The following PRAM1 variants were observed in gnomAD, a reference collection of about 807,000 sequenced individuals.
The protein encoded by PRAM1 is PML-RARA regulated adaptor molecule 1.
Under a neutral mutation model 55.3 loss-of-function variants are expected in PRAM1, and 41 were observed. That is an observed-to-expected ratio of 0.74 (90% CI 0.58 to 0.96). PRAM1 has a LOEUF of 0.96. PRAM1 is among the 40% of genes least tolerant of loss of function. PRAM1 has a pLI of 0.00. For synonymous variants in PRAM1, 401 were observed against 387.1 expected (o/e 1.04, Z -0.42); for missense variants, 898 against 892.7 (o/e 1.01, Z -0.08).
At chr19:8,492,635 G>A (rs1277261696) in intron 4 of PRAM1, among the ~76,000 whole-genome samples, 2 of 152,142 alleles carry the variant, frequency 1.3e-5, no homozygotes, top group African/African-American at 4.8e-5. Flanking sequence ...TGGCCCATGG[G>A]TACAAAGTTA....
Position 8,498,340 on chromosome 19 carries a change from C to T in PRAM1, c.1432+36G>A, listed in dbSNP as rs552813453. The stretch of plus-strand genomic sequence containing the variant: ...AAGCCGGCACTGCCTGGGACCTCAG[C>T]CCCCGCTCCTGCCGGTGCCGCCCGC... On this transcript the variant is annotated intron_variant, in intron 2 of 9. Coordinates refer to ENST00000423345, the MANE Select transcript of PRAM1 (RefSeq NM_032152.5). 1.6e-5 allele frequency: 26 copies of T among 1,592,382 alleles called. No homozygotes were observed. In the East Asian group the frequency reaches 3.4e-4, roughly 21 times the overall value.
At chr19:8,499,927 AT>A in intron 1 of PRAM1, 147 bp from the exon 2 acceptor site, 2 of 676,870 alleles carry the variant, frequency 3.0e-6, no homozygotes, top group Non-Finnish European at 4.9e-6. Flanking sequence ...AGGAGCCCCC[AT>A]GGATCCTAGG....
intron 1 of PRAM1, 108 bp downstream of exon 1, chr19:8,502,457 A>ACCCCCCCCCCCC (rs138708138): frequency 4.5e-4 from 212 of 470,040 alleles, no homozygotes; most frequent in Middle Eastern, 6.3e-4. Context: ...TTTCGCAGCC[A>ACCCCCCCCCCCC]CCCCCCGCCC....
In PRAM1 at chr19:8,499,767, T is replaced by C; in HGVS notation, c.41A>G (p.Asp14Gly). ...GAACTTTGCTTTGATGCTCCGGAAG[T>C]CCTGATGGCTCTCCTAGGAGACGCA... Reference protein sequence around the residue: ...HLPAAMESHQDFRSIKAKFQA... With the variant: ...HLPAAMESHQGFRSIKAKFQA... The change falls in exon 2 of 10, where the codon GAC becomes GGC. Residue 14 changes from aspartate to glycine, a missense_variant. By Grantham distance (94) the Asp-to-Gly change is moderately conservative. Around this residue, in one of 4 missense-constraint regions of PRAM1, gnomAD observed 79 missense variants for 93.4 expected, o/e 0.85. Transcript: ENST00000423345. 2.5e-6 allele frequency: 4 copies of C among 1,603,724 alleles called. No individual in the cohort carries two copies. The highest frequency in any genetic ancestry group is 3.4e-6 in the Non-Finnish European group (4 of 1,175,260).
In PRAM1 at chr19:8,502,595, A is replaced by C. The variant is rs770866638; in HGVS notation, c.-4T>G. On this transcript the variant is annotated 5_prime_UTR_variant, in exon 1 of 10. Transcript: ENST00000423345. ...CTGCAGGCAGGTGATGGGCCATGGGATGAGTGGGACCCGAGCTGGGGCCGC... is the reference window on the plus strand; with the variant it reads ...CTGCAGGCAGGTGATGGGCCATGGGCTGAGTGGGACCCGAGCTGGGGCCGC... 6.5e-7 allele frequency: 1 copy of C among 1,549,108 alleles called. No individual in the cohort carries two copies. The highest frequency in any genetic ancestry group is 2.4e-5 in the East Asian group (1 of 40,826).
In PRAM1 at chr19:8,490,076, T is replaced by G; in HGVS notation, c.*113A>C. 5.7e-6 allele frequency: 6 copies of G among 1,056,352 alleles called. No individual in the cohort carries two copies. The highest frequency in any genetic ancestry group is 8.1e-6 in the Non-Finnish European group (6 of 742,548). 65.4% of individuals were successfully genotyped at this position (1,056,352 alleles called of 1,614,324 possible). ...GGGACTGCTTTAAACTGGGGCTTTA[T>G]GTGGCCAGGTACAAGCCCAGGCAGC... On this transcript the variant is annotated 3_prime_UTR_variant, in exon 10 of 10. Coordinates refer to ENST00000423345, the MANE Select transcript of PRAM1 (RefSeq NM_032152.5). This position sits in a 1 kb window ranked among gnomAD's most constrained non-coding sequence, Gnocchi z 7.3.
Position 8,498,415 on chromosome 19 carries a change from C to G in PRAM1, c.1393G>C (p.Asp465His), listed in dbSNP as rs773199677. ...GAGGGTCTCCGAAAGCTCTGCATAT[C>G]CACGGGCCCCGGGGGCAGCGGGGGC... ...AKPPLPPGPV[D>H]MQSFRRPSAA... The change falls in exon 2 of 10, where the codon GAT (aspartate) becomes CAT (histidine). Residue 465 changes from aspartate to histidine, a missense_variant. Asp to His is a moderately conservative substitution (Grantham distance 81). Transcript: ENST00000423345. 1.9e-6 allele frequency: 3 copies of G among 1,577,762 alleles called. No individual in the cohort carries two copies. In the African/African-American group the frequency reaches 4.0e-5, roughly 21 times the overall value.
chr19:8,491,072 G>A (rs762142764), intron 5 of PRAM1, 28 bp downstream of exon 5: 24 of 1,611,806 alleles, frequency 1.5e-5, no homozygotes, highest in African/African-American at 2.7e-5. Flanking sequence ...CTCGCCCCCC[G>A]TCTGCCCACC....
intron 4 of PRAM1, among the ~76,000 whole-genome samples, chr19:8,495,832 G>A (rs1020262110): frequency 2.0e-5 from 3 of 149,080 alleles, no homozygotes; most frequent in African/African-American, 5.0e-5. Flanking sequence ...TGGAGGGTAC[G>A]GATTTAAGGA....
intron 4 of PRAM1, among the ~76,000 whole-genome samples, chr19:8,497,294 T>C (rs1328122639): frequency 6.6e-6 from 1 of 151,636 alleles, no homozygotes; most frequent in Non-Finnish European, 1.5e-5. Context: ...TCCTCTTGTC[T>C]CAGCATCCCA....
intron 4 of PRAM1, among the ~76,000 whole-genome samples, chr19:8,497,255 T>C (rs1971711830): frequency 6.6e-6 from 1 of 151,208 alleles, no homozygotes; most frequent in South Asian, 2.1e-4. Flanking sequence ...CACTGCAGTC[T>C]GCAGTCTCGA....
rs1460667071 is a variant in PRAM1 at position 8,498,809 on chromosome 19, G to A, written c.999C>T (p.Ser333=). ...QPELGGLPRT[S]SEPEFNSLPR... ...GGAGTGAGTTGAACTCGGGCTCTGA[G>A]GAGGTCCTGGGGAGGCCGCCCAGCT... Residue 333 remains serine, a synonymous_variant, in exon 2 of 10, where the codon TCC becomes TCT. Coordinates refer to ENST00000423345, the MANE Select transcript of PRAM1 (RefSeq NM_032152.5). 6.3e-6 allele frequency: 10 copies of A among 1,586,836 alleles called. No homozygotes were observed. Among genetic ancestry groups the A allele is most frequent in the Middle Eastern group, 1.7e-4 (1 of 6,022 alleles).
chr19:8,499,430 G>A lies in PRAM1; in HGVS notation c.378C>T (p.Asp126=). ...CCAGCTGTGGGAACTTCTTGGAGAG[G>A]TCACTCAACTCCAGTTTGGACGGCT... ...PKKPSKLELS[D]LSKKFPQLGA... The change falls in exon 2 of 10, where the codon GAC becomes GAT. Residue 126 remains aspartate (D), a synonymous_variant. Coordinates refer to ENST00000423345, the MANE Select transcript of PRAM1 (RefSeq NM_032152.5). 1 of 1,612,366 alleles carries A rather than the reference G, an allele frequency of 6.2e-7. No individual in the cohort carries two copies. Among genetic ancestry groups the A allele is most frequent in the Non-Finnish European group, 8.5e-7 (1 of 1,179,848 alleles).
At position 8,490,452 on chromosome 19, in the gene PRAM1, A is replaced by G; in HGVS notation, c.1940+24T>C. 5 of 1,612,950 alleles carry G rather than the reference A, an allele frequency of 3.1e-6. No individual in the cohort carries two copies. In the South Asian group the frequency reaches 4.4e-5, roughly 14 times the overall value. On this transcript the variant is annotated intron_variant, in intron 8 of 9. Transcript: ENST00000423345. The surrounding 1 kb of genome is among the most constrained non-coding windows in gnomAD (Gnocchi z 7.3). ...TGCACCACACACCCCGCACTCCCCC[A>G]CCACGGTCAGGGCTGGCACTCACAG...
chr19:8,491,963 C>T (rs1471214862), intron 4 of PRAM1: 2 of 152,388 alleles, frequency 1.3e-5, no homozygotes, highest in Non-Finnish European at 2.9e-5. Flanking sequence ...GAGTTTTGCT[C>T]TTGTTGCCCA....
intron 4 of PRAM1, among the ~76,000 whole-genome samples, chr19:8,495,138 C>T (rs1307444309): frequency 6.6e-6 from 1 of 151,454 alleles, no homozygotes; most frequent in Non-Finnish European, 1.5e-5. Flanking sequence ...CTCACTCTGT[C>T]GCCCAAGCTG....
chr19:8,500,947 C>G (rs1428896189), intron 1 of PRAM1, among the ~76,000 whole-genome samples: 1 of 151,820 alleles, frequency 6.6e-6, no homozygotes, highest in Non-Finnish European at 1.5e-5. Flanking sequence ...TGTATTTTAA[C>G]TAGAGACAGG....
chr19:8,501,019 C>T (rs1176531811), intron 1 of PRAM1, among the ~76,000 whole-genome samples: 2 of 151,754 alleles, frequency 1.3e-5, no homozygotes, highest in African/African-American at 2.4e-5. Context: ...ACCCTCCACC[C>T]GCCTCAGCCT....
At position 8,499,695 on chromosome 19, in the gene PRAM1, T is replaced by C. The variant is rs768317514; in HGVS notation, c.113A>G (p.Lys38Arg). The C allele has an allele frequency of 5.0e-6, 8 of 1,613,814 alleles. No individual in the cohort carries two copies. The Admixed American group carries it at 1.3e-4, about 27-fold the overall frequency. Reference sequence around the variant, plus strand: ...CTTCTTCAGTTTACCAAACTCAGGCTTCGGAGGTTTTTTGGGCAGGTCGCT... The same window carrying C: ...CTTCTTCAGTTTACCAAACTCAGGCCTCGGAGGTTTTTTGGGCAGGTCGCT... ...EPSDLPKKPP[K>R]PEFGKLKKFS... Residue 38 changes from lysine to arginine, a missense_variant, in exon 2 of 10, where the codon AAG (lysine) becomes AGG (arginine). Physicochemically the swap from Lys to Arg is conservative, Grantham distance 26 (BLOSUM62 2). This residue lies in a region of PRAM1 where 79 missense variants were observed against 93.4 expected (regional missense o/e 0.85). Coordinates refer to ENST00000423345, the MANE Select transcript of PRAM1 (RefSeq NM_032152.5).
Sources: allele counts gnomAD v4.1 joint callset (sites outside exome capture counted in the v4.1 genomes callset), GRCh38; gene constraint gnomAD v4.1.1; regional missense constraint gnomAD v4.1.1; non-coding constraint Gnocchi (gnomAD v3.1); transcripts MANE v1.5; gene names NCBI Gene and HGNC (gene_info 2026-07-23, HGNC 2026-07-21).